Variants in HPSE2 observed in about 807,000 individuals in gnomAD.
The protein encoded by HPSE2 is inactive heparanase-2.
In HPSE2, 38 loss-of-function variants were observed where a neutral mutation model predicts 60.5. The observed-to-expected ratio is 0.63, with a 90% CI of 0.48 to 0.82. The LOEUF (loss-of-function observed/expected upper bound fraction) is 0.82. HPSE2 is among the 40% of genes least tolerant of loss of function. HPSE2 has a pLI of 0.00. For missense variants in HPSE2, 713 were observed against 740.4 expected (o/e 0.96, Z 0.43); for synonymous variants, 295 against 293.2 (o/e 1.01, Z -0.06).
At chr10:98,928,672 G>A (rs1954552073) in intron 3 of HPSE2, among the ~76,000 whole-genome samples, 2 of 134,646 alleles carry the variant, frequency 1.5e-5, no homozygotes, top group South Asian at 2.2e-4. Flanking sequence ...AAAATGATGA[G>A]TTCATGTCCT....
At chr10:98,635,050 C>T (rs1445589169) in intron 7 of HPSE2, among the ~76,000 whole-genome samples, 2 of 152,196 alleles carry the variant, frequency 1.3e-5, no homozygotes, top group African/African-American at 2.4e-5. Flanking sequence ...GCTTAATTAT[C>T]AGTTTTCCCC....
At chr10:99,152,207 A>G (rs1446669127) in intron 2 of HPSE2, among the ~76,000 whole-genome samples, 1 of 150,716 alleles carries the variant, frequency 6.6e-6, no homozygotes. Context: ...GCTACTTGGG[A>G]GGCTGAGACA....
At chr10:98,628,838 AAG>A (rs1302581127) in intron 7 of HPSE2, among the ~76,000 whole-genome samples, 1 of 152,164 alleles carries the variant, frequency 6.6e-6, no homozygotes, top group Non-Finnish European at 1.5e-5. Context: ...GGGAGACAGA[AAG>A]AGAGGGGAGA....
At chr10:99,029,956 C>T (rs1374136141) in intron 3 of HPSE2, among the ~76,000 whole-genome samples, 1 of 152,208 alleles carries the variant, frequency 6.6e-6, no homozygotes, top group African/African-American at 2.4e-5. Context: ...GTCTGCCTGG[C>T]AACGGGCATC....
At chr10:98,803,362 T>C (rs1179849193) in intron 3 of HPSE2, among the ~76,000 whole-genome samples, 1 of 150,530 alleles carries the variant, frequency 6.6e-6, no homozygotes, top group African/African-American at 2.5e-5. Context: ...TTTGTTTCCA[T>C]TGCTTTTGGT....
chr10:99,195,105 A>T (rs767726935), intron 2 of HPSE2, among the ~76,000 whole-genome samples: 8 of 152,172 alleles, frequency 5.3e-5, no homozygotes, highest in Non-Finnish European at 8.8e-5. Flanking sequence ...ATGATACATC[A>T]TGTCAACAAA....
At chr10:99,078,842 C>T (rs1428176709) in intron 3 of HPSE2, among the ~76,000 whole-genome samples, 1 of 152,170 alleles carries the variant, frequency 6.6e-6, no homozygotes, top group East Asian at 1.9e-4. Flanking sequence ...TTCAATCAGC[C>T]TAGCTAGAAA....
chr10:99,220,320 C>T (rs548450066), intron 2 of HPSE2, among the ~76,000 whole-genome samples: 1 of 152,034 alleles, frequency 6.6e-6, no homozygotes, highest in East Asian at 1.9e-4. Flanking sequence ...TAAACAGGTC[C>T]TCTGCATATA....
chr10:99,173,662 G>A (rs1398442933), intron 2 of HPSE2, among the ~76,000 whole-genome samples: 4 of 152,098 alleles, frequency 2.6e-5, no homozygotes, highest in African/African-American at 9.7e-5. Flanking sequence ...AACTGCAAGA[G>A]GCCAGGCGCG....
chr10:98,797,700 C>T (rs759649631), intron 3 of HPSE2, among the ~76,000 whole-genome samples: 11 of 151,780 alleles, frequency 7.2e-5, no homozygotes, highest in Admixed American at 2.0e-4. Context: ...AAAAATTAGC[C>T]GAGCGTGGTG....
At chr10:98,883,245 T>A (rs889535588) in intron 3 of HPSE2, among the ~76,000 whole-genome samples, 2 of 152,088 alleles carry the variant, frequency 1.3e-5, no homozygotes, top group Non-Finnish European at 2.9e-5. Context: ...AACTTCTCAA[T>A]GATGGCTTGT....
At chr10:99,296,604 C>G in the HPSE2 span, among the ~76,000 whole-genome samples, 1 of 152,220 alleles carries the variant, frequency 6.6e-6, no homozygotes, top group Non-Finnish European at 1.5e-5. Context: ...CTGTTTTCTT[C>G]TATCACTGGC....
intron 5 of HPSE2, among the ~76,000 whole-genome samples, chr10:98,696,699 G>A (rs906826702): frequency 5.3e-5 from 8 of 152,182 alleles, no homozygotes; most frequent in Non-Finnish European, 1.0e-4. Flanking sequence ...CCACAGCTGT[G>A]GCTCCCTGCT....
At chr10:98,471,652 G>GC (rs1334731246) in intron 11 of HPSE2, among the ~76,000 whole-genome samples, 1 of 151,938 alleles carries the variant, frequency 6.6e-6, no homozygotes, top group Non-Finnish European at 1.5e-5. Context: ...TGGATGTCTT[G>GC]CCCCCTCCCG....
intron 6 of HPSE2, among the ~76,000 whole-genome samples, chr10:98,645,418 G>C (rs1946741613): frequency 6.6e-6 from 1 of 152,144 alleles, no homozygotes; most frequent in Non-Finnish European, 1.5e-5. Context: ...CCTTCAAAAT[G>C]CTTCTAAAAT....
At chr10:99,221,689 A>C (rs745937598) in intron 2 of HPSE2, among the ~76,000 whole-genome samples, 1 of 152,206 alleles carries the variant, frequency 6.6e-6, no homozygotes, top group African/African-American at 2.4e-5. Context: ...AGGGATGATA[A>C]GGTGGAATAT....
intron 7 of HPSE2, among the ~76,000 whole-genome samples, chr10:98,640,820 T>G (rs1427524984): frequency 2.0e-5 from 3 of 152,286 alleles, no homozygotes; most frequent in East Asian, 3.9e-4. Flanking sequence ...AATTAACTAA[T>G]CCAGTAGTTC....
chr10:98,669,525 C>A (rs1947452671), intron 6 of HPSE2, among the ~76,000 whole-genome samples: 1 of 152,192 alleles, frequency 6.6e-6, no homozygotes, highest in Admixed American at 6.5e-5. Context: ...AAATTTGGTA[C>A]ATATACAGCA....
At chr10:98,481,682 C>G (rs1941241790) in intron 11 of HPSE2, among the ~76,000 whole-genome samples, 1 of 152,172 alleles carries the variant, frequency 6.6e-6, no homozygotes, top group Admixed American at 6.5e-5. Flanking sequence ...AATTGGAAGC[C>G]AAATGCAAGC....
Sources: allele counts gnomAD v4.1 joint callset (sites outside exome capture counted in the v4.1 genomes callset), GRCh38; gene constraint gnomAD v4.1.1; transcripts MANE v1.5; gene names NCBI Gene and HGNC (gene_info 2026-07-23, HGNC 2026-07-21).